CUBN: variants seen among roughly 807,000 people sequenced by gnomAD.
CUBN encodes the protein 460 kDa receptor.
In CUBN, 282 loss-of-function variants were observed where a neutral mutation model predicts 405.3. The ratio of observed to expected loss-of-function variants is 0.70; its 90% CI spans 0.63 to 0.77. The LOEUF is 0.77. Ranked by LOEUF, CUBN falls within the 30% of genes least tolerant of loss-of-function variation. The pLI is 0.00. For synonymous variants in CUBN, 1,684 were observed against 1,617.0 expected (o/e 1.04, Z -0.99); for missense variants, 4,514 against 4,475.2 (o/e 1.01, Z -0.25).
intron 28 of CUBN, among the ~76,000 whole-genome samples, chr10:17,001,567 G>A (rs976805667): frequency 1.3e-5 from 2 of 152,234 alleles, no homozygotes; most frequent in Non-Finnish European, 2.9e-5. Flanking sequence ...GACCCAGGAA[G>A]TCCAGCTGGC....
intron 54 of CUBN, among the ~76,000 whole-genome samples, chr10:16,896,504 A>C (rs1841187730): frequency 6.6e-6 from 1 of 152,202 alleles, no homozygotes; most frequent in African/African-American, 2.4e-5. Flanking sequence ...TAGGGCCTCC[A>C]TGGTTTCAGA....
chr10:16,859,373 A>C (rs773732426), intron 59 of CUBN, among the ~76,000 whole-genome samples: 20 of 152,192 alleles, frequency 1.3e-4, no homozygotes, highest in Non-Finnish European at 2.6e-4. Flanking sequence ...GCACGTGAAA[A>C]TTGTTCACCA....
chr10:17,119,516 C>T lies in CUBN; in HGVS notation c.593+3279G>A, dbSNP rs182375061. On this transcript the variant is annotated intron_variant, in intron 6 of 66. Transcript: ENST00000377833. ...CTCTACTAAAAATACAAAAATTAGC[C>T]GGGTATGGTGTCAGGTGCCTGTAAT... Among the ~76,000 whole-genome samples the T allele has an allele frequency of 2.9e-3, 434 of 152,136 alleles. 2 individuals carry two copies. The highest frequency in any genetic ancestry group is 3.7e-3 in the Admixed American group (57 of 15,272).
intron 17 of CUBN, among the ~76,000 whole-genome samples, chr10:17,074,679 T>A (rs1835814190): frequency 6.6e-6 from 1 of 152,240 alleles, no homozygotes; most frequent in Non-Finnish European, 1.5e-5. Context: ...CCTGCATTTG[T>A]ACTGTCATAT....
At chr10:17,019,688 G>A (rs1280391006) in intron 28 of CUBN, 145 bp downstream of exon 28, 2 of 928,844 alleles carry the variant, frequency 2.2e-6, no homozygotes, top group Non-Finnish European at 3.5e-6. Flanking sequence ...CAATATCTAA[G>A]TATATTTCTT....
chr10:16,951,715 G>A (rs1842925849), intron 33 of CUBN, among the ~76,000 whole-genome samples: 2 of 152,178 alleles, frequency 1.3e-5, no homozygotes, highest in Non-Finnish European at 1.5e-5. Flanking sequence ...GAAAGTAAGC[G>A]TTTATTCAAT....
At chr10:16,844,943 C>A (rs1213138197) in intron 60 of CUBN, among the ~76,000 whole-genome samples, 2 of 152,222 alleles carry the variant, frequency 1.3e-5, no homozygotes, top group Non-Finnish European at 2.9e-5. Context: ...TTTCCTGGCA[C>A]AACTGCGATG....
chr10:16,984,300 A>C, intron 29 of CUBN, 21 bp from the exon 30 acceptor site: 1 of 1,611,802 alleles, frequency 6.2e-7, no homozygotes, highest in Non-Finnish European at 8.5e-7. Flanking sequence ...ATGTAGGAAA[A>C]AAGACTTTAA....
At chr10:17,099,666 T>C (rs375793020) in intron 14 of CUBN, among the ~76,000 whole-genome samples, 11 of 151,742 alleles carry the variant, frequency 7.2e-5, no homozygotes, top group Admixed American at 4.6e-4. Context: ...CTGGGCAACA[T>C]AGAGAAACTC....
intron 4 of CUBN, among the ~76,000 whole-genome samples, chr10:17,125,385 T>G (rs192783053): frequency 1.3e-5 from 2 of 152,176 alleles, no homozygotes; most frequent in Admixed American, 1.3e-4. Context: ...GCAAAGCACA[T>G]TCCTTCTCCA....
At chr10:17,070,829 C>T (rs555494598) in intron 19 of CUBN, among the ~76,000 whole-genome samples, 7 of 152,164 alleles carry the variant, frequency 4.6e-5, no homozygotes, top group Non-Finnish European at 7.4e-5. Context: ...TTACTCGTTC[C>T]CTTTCATTCT....
At chr10:16,914,052 A>G (rs1248187840) in intron 47 of CUBN, 60 bp from the exon 48 acceptor site, 3 of 1,571,368 alleles carry the variant, frequency 1.9e-6, no homozygotes, top group Non-Finnish European at 2.6e-6. Context: ...CCTTCCATCA[A>G]GAAAGCTCTC....
intron 58 of CUBN, 110 bp from the exon 59 acceptor site, chr10:16,869,963 C>CA: frequency 3.9e-6 from 3 of 760,320 alleles, no homozygotes; most frequent in Non-Finnish European, 7.0e-6. Context: ...GTAGAGCATT[C>CA]AAAACTCACT....
At chr10:16,881,909 A>G (rs1248078803) in intron 56 of CUBN, among the ~76,000 whole-genome samples, 1 of 152,252 alleles carries the variant, frequency 6.6e-6, no homozygotes, top group Admixed American at 6.5e-5. Flanking sequence ...ACTGCATTAG[A>G]TCAAAAATAT....
chr10:16,950,122 A>G lies in CUBN; in HGVS notation c.4970-11T>C. ...GGGTGATATGATTTACTGGAAGAAA[A>G]AAGAGAAGACTCTCTCGTAAAGTAC... On this transcript the variant is annotated splice_polypyrimidine_tract_variant and intron_variant, in intron 33 of 66. Coordinates refer to ENST00000377833, the MANE Select transcript of CUBN (RefSeq NM_001081.4). 1 of 1,596,822 alleles carries G rather than the reference A, an allele frequency of 6.3e-7. No individual in the cohort carries two copies. Among genetic ancestry groups the G allele is most frequent in the Non-Finnish European group, 8.6e-7 (1 of 1,165,254 alleles).
chr10:16,919,933 A>C (rs745964913), intron 44 of CUBN, 30 bp downstream of exon 44: 2 of 1,608,106 alleles, frequency 1.2e-6, no homozygotes, highest in Non-Finnish European at 1.7e-6. Flanking sequence ...AACTTGGGGT[A>C]GGAAAAAAAT....
intron 9 of CUBN, 131 bp from the exon 10 acceptor site, chr10:17,109,866 A>G (rs1836730390): frequency 1.5e-6 from 1 of 688,156 alleles, no homozygotes; most frequent in Admixed American, 2.3e-5. Flanking sequence ...AAATATAAGT[A>G]TAAAATGTCA....
At chr10:16,844,515 C>T (rs945808495) in intron 60 of CUBN, among the ~76,000 whole-genome samples, 1 of 152,110 alleles carries the variant, frequency 6.6e-6, no homozygotes, top group African/African-American at 2.4e-5. Context: ...GATGTAAGAT[C>T]AGATTTGGGT....
At chr10:17,021,335 A>G (rs1834495613) in intron 27 of CUBN, among the ~76,000 whole-genome samples, 3 of 152,220 alleles carry the variant, frequency 2.0e-5, no homozygotes, top group African/African-American at 7.2e-5. Context: ...TCTCTCTACT[A>G]TATCTCTTCA....
Sources: gnomAD v4.1 joint callset for allele counts (sites outside exome capture counted in the v4.1 genomes callset) on GRCh38, gnomAD v4.1.1 for gene constraint, MANE v1.5 for transcripts, NCBI Gene and HGNC (gene_info 2026-07-23, HGNC 2026-07-21) for gene names.